TSHZ3: variants seen among roughly 807,000 people sequenced by gnomAD.
TSHZ3 encodes the protein teashirt homolog 3.
In TSHZ3, 10 loss-of-function variants were observed where a neutral mutation model predicts 64.5. That is an observed-to-expected ratio of 0.16 (90% CI 0.10 to 0.26). TSHZ3 has a LOEUF of 0.26. Ranked by LOEUF, TSHZ3 falls within the 10% of genes least tolerant of loss-of-function variation. TSHZ3 has a pLI of 1.00. For missense variants in TSHZ3, 1,242 were observed against 1,421.7 expected (o/e 0.87, Z 2.03); for synonymous variants, 608 against 593.1 (o/e 1.03, Z -0.36).
chr19:31,310,023 G>A (rs1185427540), intron 1 of TSHZ3, among the ~76,000 whole-genome samples: 1 of 152,210 alleles, frequency 6.6e-6, no homozygotes, highest in East Asian at 1.9e-4. Flanking sequence ...TACTCCAGTA[G>A]CCTGGTGCCC....
intron 5 of TSHZ3, among the ~76,000 whole-genome samples, chr19:31,197,123 C>G (rs1975004050): frequency 6.6e-6 from 1 of 151,810 alleles, no homozygotes. Flanking sequence ...TCTCAGACCA[C>G]AATGCAATTA....
intron 1 of TSHZ3, among the ~76,000 whole-genome samples, chr19:31,254,015 T>A (rs1975876071): frequency 6.6e-6 from 1 of 151,996 alleles, no homozygotes. Flanking sequence ...TGAACACTAC[T>A]CTCCTCCCCA....
At chr19:31,209,147 A>T (rs1215334512) in intron 4 of TSHZ3, among the ~76,000 whole-genome samples, 1 of 152,184 alleles carries the variant, frequency 6.6e-6, no homozygotes, top group African/African-American at 2.4e-5. Flanking sequence ...TTATGACTCC[A>T]TGTAGAAAGC....
intron 5 of TSHZ3, among the ~76,000 whole-genome samples, chr19:31,194,174 T>A (rs1420560489): frequency 6.6e-6 from 1 of 152,196 alleles, no homozygotes; most frequent in Non-Finnish European, 1.5e-5. Flanking sequence ...TCAGTGTGGA[T>A]AAACCTGAGA....
At chr19:31,152,162 C>A (rs1483261833) in intron 6 of TSHZ3, among the ~76,000 whole-genome samples, 1 of 151,820 alleles carries the variant, frequency 6.6e-6, no homozygotes, top group Non-Finnish European at 1.5e-5. Context: ...AAAATCGCAC[C>A]ATTGGGTTTT....
intron 1 of TSHZ3, among the ~76,000 whole-genome samples, chr19:31,304,255 G>C (rs1277917604): frequency 6.6e-6 from 1 of 152,182 alleles, no homozygotes. Context: ...TTACAGGCTT[G>C]AGTCACGGCG....
intron 1 of TSHZ3, among the ~76,000 whole-genome samples, chr19:31,300,945 A>G (rs1183060640): frequency 6.6e-6 from 1 of 152,088 alleles, no homozygotes; most frequent in African/African-American, 2.4e-5. Context: ...GATTATGCAA[A>G]AACACCGTTG....
Position 31,154,854 on chromosome 19 carries a change from G to GA in TSHZ3, n.871+1501dup, listed in dbSNP as rs1974284902. On this transcript the variant is annotated intron_variant and non_coding_transcript_variant, in intron 6 of 6. Transcript: ENST00000651361. Reference sequence around the variant, plus strand: ...GCTTGAAGGCAGGGTTTTGTGGGGGGACACTTGCTGCCTCCTGTCTCTATC... The same window carrying GA: ...GCTTGAAGGCAGGGTTTTGTGGGGGGAACACTTGCTGCCTCCTGTCTCTATC... Among the ~76,000 whole-genome samples, 32 of 152,136 alleles carry GA rather than the reference G, an allele frequency of 2.1e-4. No individual in the cohort carries two copies. In the South Asian group the frequency reaches 6.5e-3, roughly 31 times the overall value.
chr19:31,345,155 T>C (rs771734724), intron 1 of TSHZ3, among the ~76,000 whole-genome samples: 6 of 152,190 alleles, frequency 3.9e-5, no homozygotes, highest in Admixed American at 6.5e-5. Flanking sequence ...CTTTCCTTTT[T>C]AGAATTTGCA....
intron 4 of TSHZ3, among the ~76,000 whole-genome samples, chr19:31,224,325 T>C (rs1026175805): frequency 1.3e-5 from 2 of 152,212 alleles, no homozygotes; most frequent in African/African-American, 4.8e-5. Flanking sequence ...AATTTGTGCT[T>C]TGTGCTTTGT....
rs578180305 is a variant in TSHZ3, at chr19:31,283,847, G to A, written c.41-4095C>T. 5.3e-5 allele frequency among the ~76,000 whole-genome samples: 8 copies of A among 152,280 alleles called. No homozygotes were observed. The South Asian group carries it at 6.2e-4, about 12-fold the overall frequency. On this transcript the variant is annotated intron_variant, in intron 1 of 1. Transcript: ENST00000240587. ...GAAGGGCTCTGGAAGCTGGCACAGC[G>A]AATGCCCTGGATCAGGCAAGGAGGG...
At chr19:31,186,199 C>T (rs898120603) in intron 5 of TSHZ3, among the ~76,000 whole-genome samples, 3 of 152,090 alleles carry the variant, frequency 2.0e-5, no homozygotes, top group African/African-American at 7.2e-5. Context: ...AGTGGAATTG[C>T]TGGGCTCTAG....
chr19:31,159,330 G>C (rs138473553), intron 5 of TSHZ3, among the ~76,000 whole-genome samples: 216 of 152,162 alleles, frequency 1.4e-3, no homozygotes, highest in African/African-American at 4.6e-3. Context: ...GGACCTTCGT[G>C]ATTACAGATT....
intron 1 of TSHZ3, among the ~76,000 whole-genome samples, chr19:31,250,682 C>T (rs1975827867): frequency 6.6e-6 from 1 of 152,140 alleles, no homozygotes; most frequent in South Asian, 2.1e-4. Context: ...AGAAAAGACA[C>T]CCATGTGTCA....
intron 1 of TSHZ3, among the ~76,000 whole-genome samples, chr19:31,305,232 G>A (rs4805675): frequency 6.6e-6 from 1 of 150,646 alleles, no homozygotes; most frequent in Admixed American, 6.6e-5. Flanking sequence ...GCAATTTCAT[G>A]AAATTCTGTG....
At chr19:31,332,826 G>A (rs1917131265) in intron 1 of TSHZ3, among the ~76,000 whole-genome samples, 2 of 152,006 alleles carry the variant, frequency 1.3e-5, no homozygotes, top group Non-Finnish European at 2.9e-5. Flanking sequence ...ACAGGGGTAG[G>A]CCAGGCACAT....
chr19:31,253,706 G>A (rs750788078), intron 1 of TSHZ3, among the ~76,000 whole-genome samples: 16 of 152,046 alleles, frequency 1.1e-4, no homozygotes, highest in Non-Finnish European at 2.2e-4. Context: ...GTGCATGCAT[G>A]GGTACGCTTT....
At chr19:31,333,290 C>T (rs532455947) in intron 1 of TSHZ3, among the ~76,000 whole-genome samples, 5 of 152,078 alleles carry the variant, frequency 3.3e-5, no homozygotes, top group Non-Finnish European at 7.4e-5. Context: ...AACACTACTC[C>T]AACTCAGGAG....
At chr19:31,241,169 A>G (rs959292920) in intron 3 of TSHZ3, among the ~76,000 whole-genome samples, 2 of 152,132 alleles carry the variant, frequency 1.3e-5, no homozygotes, top group African/African-American at 4.8e-5. Context: ...CATGTTTATT[A>G]GGCAGTTCAG....
Sources: allele counts gnomAD v4.1 joint callset (sites outside exome capture counted in the v4.1 genomes callset), GRCh38; gene constraint gnomAD v4.1.1; transcripts MANE v1.5; gene names NCBI Gene and HGNC (gene_info 2026-07-23, HGNC 2026-07-21).